MEGF10: variants seen among roughly 807,000 people sequenced by gnomAD.
The protein encoded by MEGF10 is multiple EGF like domains 10.
A neutral mutation model predicts 147.5 loss-of-function variants in MEGF10; 86 were observed. The observed-to-expected ratio is 0.58, with a 90% CI of 0.49 to 0.70. The LOEUF (loss-of-function observed/expected upper bound fraction) is 0.70. Ranked by LOEUF, MEGF10 falls within the 30% of genes least tolerant of loss-of-function variation. MEGF10 has a pLI of 0.00. For missense variants in MEGF10, 1,329 were observed against 1,487.3 expected, an observed-to-expected ratio of 0.89 and a Z score of 1.75; for synonymous variants, 478 against 525.5, an observed-to-expected ratio of 0.91 and a Z score of 1.24.
At chr5:127,287,744 T>C (rs1028684902), upstream of MEGF10, among the ~76,000 whole-genome samples, 6 of 151,840 alleles carry the variant, frequency 4.0e-5, no homozygotes, top group South Asian at 2.1e-4. Context: ...ACATGGAAGA[T>C]GAAAACCAAA....
At chr5:127,261,821 A>G in the MEGF10 span, among the ~76,000 whole-genome samples, 1 of 152,158 alleles carries the variant, frequency 6.6e-6, no homozygotes, top group Admixed American at 6.6e-5. Context: ...ATGAAGTGAT[A>G]TTCCATTGTG....
At chr5:127,350,678 C>T (rs973303582) in intron 4 of MEGF10, among the ~76,000 whole-genome samples, 5 of 152,128 alleles carry the variant, frequency 3.3e-5, no homozygotes, top group African/African-American at 7.2e-5. Context: ...ACCCCTGGGC[C>T]CTTCCCTTCT....
intron 4 of MEGF10, among the ~76,000 whole-genome samples, chr5:127,350,893 T>C (rs999389138): frequency 6.6e-5 from 10 of 152,034 alleles, no homozygotes; most frequent in African/African-American, 2.4e-4. Context: ...CACATCCGGG[T>C]AAATGGGGTG....
At chr5:127,328,010 C>A (rs1422475592) in intron 1 of MEGF10, among the ~76,000 whole-genome samples, 1 of 152,148 alleles carries the variant, frequency 6.6e-6, no homozygotes. Flanking sequence ...AGCCACCACG[C>A]CTGGCCTAAA....
chr5:127,283,331 A>G, the MEGF10 span, among the ~76,000 whole-genome samples: 2 of 152,222 alleles, frequency 1.3e-5, no homozygotes, highest in Non-Finnish European at 2.9e-5. Context: ...TCACTATATC[A>G]AATGTTGAAA....
the MEGF10 span, among the ~76,000 whole-genome samples, chr5:127,281,808 G>A: frequency 3.3e-5 from 5 of 152,214 alleles, no homozygotes; most frequent in Admixed American, 6.5e-5. Context: ...TCTGATGTGG[G>A]TGATGACCAC....
At chr5:127,307,335 C>T (rs1275588750) in intron 1 of MEGF10, among the ~76,000 whole-genome samples, 2 of 152,176 alleles carry the variant, frequency 1.3e-5, no homozygotes, top group Non-Finnish European at 2.9e-5. Context: ...CATGTCTGGG[C>T]TGTTGGGGTG....
At chr5:127,232,308 C>T in the MEGF10 span, among the ~76,000 whole-genome samples, 2 of 152,186 alleles carry the variant, frequency 1.3e-5, no homozygotes, top group Non-Finnish European at 2.9e-5. Flanking sequence ...AGCTTTCTCT[C>T]CAACGAAATT....
intron 1 of MEGF10, among the ~76,000 whole-genome samples, chr5:127,310,484 A>G (rs1270513900): frequency 6.6e-6 from 1 of 151,948 alleles, no homozygotes; most frequent in Non-Finnish European, 1.5e-5. Flanking sequence ...AATCATTGCC[A>G]ATTGCTTTTA....
the MEGF10 span, among the ~76,000 whole-genome samples, chr5:127,231,840 C>G: frequency 1.3e-5 from 2 of 152,144 alleles, no homozygotes; most frequent in Non-Finnish European, 2.9e-5. Context: ...CTAGTAGAAT[C>G]AGGAGAATGG....
intron 1 of MEGF10, among the ~76,000 whole-genome samples, chr5:127,307,062 T>C (rs190111314): frequency 2.6e-5 from 4 of 152,340 alleles, no homozygotes; most frequent in Admixed American, 2.0e-4. Context: ...TGGCATGGCC[T>C]TGAATGAAAC....
intron 1 of MEGF10, among the ~76,000 whole-genome samples, chr5:127,305,828 C>A (rs1294741777): frequency 6.6e-6 from 1 of 152,168 alleles, no homozygotes; most frequent in Non-Finnish European, 1.5e-5. Flanking sequence ...ATAAGCTAAC[C>A]ATCTAGGTCT....
the MEGF10 span, among the ~76,000 whole-genome samples, chr5:127,273,591 C>T: frequency 6.6e-6 from 1 of 152,204 alleles, no homozygotes. Flanking sequence ...GAGATATTTT[C>T]ATGTGGATAA....
chr5:127,441,984 T>C (rs1192255987), intron 18 of MEGF10, among the ~76,000 whole-genome samples: 1 of 152,242 alleles, frequency 6.6e-6, no homozygotes, highest in African/African-American at 2.4e-5. Context: ...CACTGTTTCA[T>C]TGAGTCATGA....
Position 127,435,364 on chromosome 5 carries a change from G to A in MEGF10, c.1979G>A (p.Cys660Tyr). 1 of 1,613,932 alleles carries A rather than the reference G, an allele frequency of 6.2e-7. No homozygotes were observed. The highest frequency in any genetic ancestry group is 2.2e-5 in the East Asian group (1 of 44,866). The stretch of plus-strand genomic sequence containing the variant: ...CTGACCTATAGCTTATTCACAGTGT[G>A]TCCCAGTGGCAGATTTGGGAAAAAC... ...GFTGALCNEV[C>Y]PSGRFGKNCA... Residue 660 changes from cysteine to tyrosine, a missense_variant, in exon 16 of 25, where the codon TGT (cysteine) becomes TAT (tyrosine). Cys to Tyr is a radical substitution (Grantham distance 194). Around this residue, in one of 3 missense-constraint regions of MEGF10, gnomAD observed 980 missense variants for 1,085.9 expected, o/e 0.90. Coordinates refer to ENST00000503335, the MANE Select transcript of MEGF10 (RefSeq NM_001256545.2).
chr5:127,273,493 T>A, the MEGF10 span, among the ~76,000 whole-genome samples: 1 of 152,260 alleles, frequency 6.6e-6, no homozygotes, highest in Non-Finnish European at 1.5e-5. Context: ...TGCTTCTAAT[T>A]GGCCATCTTG....
At chr5:127,266,712 G>A in the MEGF10 span, among the ~76,000 whole-genome samples, 4 of 152,024 alleles carry the variant, frequency 2.6e-5, no homozygotes, top group Admixed American at 1.3e-4. Context: ...TCATGATTTA[G>A]CTCTCTGTTT....
intron 13 of MEGF10, among the ~76,000 whole-genome samples, chr5:127,427,464 G>T (rs923974836): frequency 6.6e-6 from 1 of 152,080 alleles, no homozygotes; most frequent in East Asian, 1.9e-4. Context: ...AAGGGGAGGG[G>T]TAGGAGAATA....
chr5:127,312,639 T>C (rs1421667918), intron 1 of MEGF10, among the ~76,000 whole-genome samples: 1 of 152,220 alleles, frequency 6.6e-6, no homozygotes, highest in Non-Finnish European at 1.5e-5. Flanking sequence ...GACAGTTATG[T>C]TCTTTCTGGG....
Sources: gnomAD v4.1 joint callset for allele counts (sites outside exome capture counted in the v4.1 genomes callset) on GRCh38, gnomAD v4.1.1 for gene constraint, gnomAD v4.1.1 regional missense constraint, MANE v1.5 for transcripts, NCBI Gene and HGNC (gene_info 2026-07-23, HGNC 2026-07-21) for gene names.